SMURF2: variants seen among roughly 807,000 people sequenced by gnomAD.
SMURF2 encodes E3 ubiquitin-protein ligase SMURF2.
In SMURF2, 48 loss-of-function variants were observed where a neutral mutation model predicts 109.6. The observed-to-expected ratio is 0.44, with a 90% CI of 0.35 to 0.56. The LOEUF (loss-of-function observed/expected upper bound fraction) is 0.56, where lower values mean the gene tolerates loss of function less well. Among genes scored for constraint, SMURF2 ranks in the 20% least tolerant of loss-of-function variants. The pLI, the probability that SMURF2 is intolerant of heterozygous loss-of-function variation, is 0.01. For synonymous variants in SMURF2, 288 were observed against 317.1 expected (o/e 0.91, Z 0.97); for missense variants, 575 against 909.0 (o/e 0.63, Z 4.72).
intron 5 of SMURF2, among the ~76,000 whole-genome samples, chr17:64,586,630 A>G (rs1171822334): frequency 3.3e-5 from 5 of 151,558 alleles, no homozygotes; most frequent in Admixed American, 6.6e-5. Context: ...GGGCACCTGT[A>G]GTCCCAGCTT....
intron 1 of SMURF2, among the ~76,000 whole-genome samples, chr17:64,628,234 T>C (rs1174836391): frequency 1.3e-5 from 2 of 152,152 alleles, no homozygotes; most frequent in African/African-American, 4.8e-5. Flanking sequence ...AAAGAGTGGG[T>C]CTATTCTGTG....
intron 10 of SMURF2, among the ~76,000 whole-genome samples, chr17:64,566,932 G>A (rs147363881): frequency 0.012 from 1,822 of 148,476 alleles, 42 homozygotes; most frequent in African/African-American, 0.043. Context: ...GTACAGTGGC[G>A]CGATCTCAGC....
intron 9 of SMURF2, among the ~76,000 whole-genome samples, chr17:64,577,634 C>T (rs1252108823): frequency 6.6e-6 from 1 of 151,464 alleles, no homozygotes; most frequent in Admixed American, 6.6e-5. Flanking sequence ...CTTGCTCTGT[C>T]ATCCAGGCTG....
intron 12 of SMURF2, among the ~76,000 whole-genome samples, chr17:64,559,352 T>C (rs1555684310): frequency 1.3e-5 from 2 of 152,080 alleles, no homozygotes; most frequent in Non-Finnish European, 2.9e-5. Context: ...TCCCAGCACT[T>C]TGGGAGGCTA....
At chr17:64,566,880 T>A (rs1400868628) in intron 10 of SMURF2, among the ~76,000 whole-genome samples, 1 of 141,828 alleles carries the variant, frequency 7.1e-6, no homozygotes, top group African/African-American at 2.6e-5. Context: ...GACAGAGAGT[T>A]TTTTTTTTTT....
intron 3 of SMURF2, among the ~76,000 whole-genome samples, chr17:64,596,676 C>A (rs1969823811): frequency 6.7e-6 from 1 of 148,756 alleles, no homozygotes; most frequent in African/African-American, 2.5e-5. Context: ...AGTCCCAGGA[C>A]AACTGCGCAG....
intron 1 of SMURF2, among the ~76,000 whole-genome samples, chr17:64,623,841 T>C (rs977126545): frequency 2.6e-5 from 4 of 152,220 alleles, no homozygotes; most frequent in African/African-American, 4.8e-5. Context: ...TTAGTATGTA[T>C]GTAAAAGCAT....
chr17:64,554,204 C>CA (rs1969086166), intron 15 of SMURF2, among the ~76,000 whole-genome samples: 1 of 152,190 alleles, frequency 6.6e-6, no homozygotes, highest in Non-Finnish European at 1.5e-5. Flanking sequence ...CCCCAGTGCC[C>CA]ACATCTCCTG....
chr17:64,655,719 T>C (rs554508873), intron 1 of SMURF2, among the ~76,000 whole-genome samples: 1 of 151,918 alleles, frequency 6.6e-6, no homozygotes, highest in Admixed American at 6.6e-5. Context: ...TAAACCCATC[T>C]CCACCCAAAA....
intron 18 of SMURF2, 112 bp downstream of exon 18, chr17:64,546,151 C>T: frequency 9.2e-7 from 1 of 1,089,946 alleles, no homozygotes; most frequent in Non-Finnish European, 1.3e-6. Context: ...GCTTATCATT[C>T]CCTTTAAAGG....
At chr17:64,563,556 G>C (rs1555684728) in intron 10 of SMURF2, among the ~76,000 whole-genome samples, 1 of 152,024 alleles carries the variant, frequency 6.6e-6, no homozygotes, top group Non-Finnish European at 1.5e-5. Context: ...ATAAACAACT[G>C]TATAATCTTA....
At chr17:64,596,585 C>CAAAAAAAAAAAAAAAAAAAA (rs201858792) in intron 3 of SMURF2, among the ~76,000 whole-genome samples, 3 of 45,440 alleles carry the variant, frequency 6.6e-5, no homozygotes, top group Non-Finnish European at 1.0e-4. Flanking sequence ...GGAGAGTAAA[C>CAAAAAAAAAAAAAAAAAAAA]AAAAAAAAAA....
chr17:64,602,896 G>C (rs1349250909), intron 2 of SMURF2, among the ~76,000 whole-genome samples: 2 of 152,034 alleles, frequency 1.3e-5, no homozygotes, highest in African/African-American at 4.8e-5. Context: ...CTGCACTCCA[G>C]CCCGGGTGTC....
intron 6 of SMURF2, among the ~76,000 whole-genome samples, chr17:64,584,331 AAAATC>A (rs1969618128): frequency 1.3e-5 from 2 of 150,502 alleles, no homozygotes; most frequent in Non-Finnish European, 3.0e-5. Context: ...AAAAAAAAAA[AAAATC>A]GAAACAGCTA....
intron 1 of SMURF2, among the ~76,000 whole-genome samples, chr17:64,628,491 C>T (rs1161439806): frequency 6.6e-6 from 1 of 152,116 alleles, no homozygotes; most frequent in African/African-American, 2.4e-5. Flanking sequence ...TCATTATAGT[C>T]CAAATTCATA....
At chr17:64,660,414 A>AG (rs1332518790) in intron 1 of SMURF2, among the ~76,000 whole-genome samples, 5 of 152,218 alleles carry the variant, frequency 3.3e-5, no homozygotes, top group African/African-American at 1.2e-4. Flanking sequence ...GTGGAATACA[A>AG]GTATCCTCCA....
At chr17:64,628,897 C>T (rs1970301006) in intron 1 of SMURF2, among the ~76,000 whole-genome samples, 1 of 152,126 alleles carries the variant, frequency 6.6e-6, no homozygotes, top group African/African-American at 2.4e-5. Context: ...TTAGATATCA[C>T]AGTTCTATCT....
intron 1 of SMURF2, among the ~76,000 whole-genome samples, chr17:64,622,735 T>G (rs1306517799): frequency 6.6e-6 from 1 of 152,200 alleles, no homozygotes; most frequent in Non-Finnish European, 1.5e-5. Flanking sequence ...GTAGTGTTTG[T>G]CAAGTTTTTC....
intron 11 of SMURF2, among the ~76,000 whole-genome samples, chr17:64,562,457 G>A (rs1969235697): frequency 1.4e-5 from 2 of 147,942 alleles, no homozygotes; most frequent in South Asian, 2.1e-4. Flanking sequence ...TCGGCTCACC[G>A]CAACCTCCGC....
Sources: gnomAD v4.1 joint callset for allele counts (sites outside exome capture counted in the v4.1 genomes callset) on GRCh38, gnomAD v4.1.1 for gene constraint, MANE v1.5 for transcripts, NCBI Gene and HGNC (gene_info 2026-07-23, HGNC 2026-07-21) for gene names.